COG6: variants seen among roughly 807,000 people sequenced by gnomAD.
COG6 encodes component of oligomeric golgi complex 6.
A neutral mutation model predicts 88.8 loss-of-function variants in COG6; 74 were observed. The observed-to-expected ratio is 0.83, with a 90% CI of 0.69 to 1.01. The LOEUF (loss-of-function observed/expected upper bound fraction) is 1.01, where lower values mean the gene tolerates loss of function less well. COG6 is among the 50% of genes least tolerant of loss of function. The pLI, the probability that COG6 is intolerant of heterozygous loss-of-function variation, is 0.00. For missense variants in COG6, 800 were observed against 797.9 expected, an observed-to-expected ratio of 1.00 and a Z score of -0.03; for synonymous variants, 286 against 278.7, an observed-to-expected ratio of 1.03 and a Z score of -0.26.
Position 39,679,573 on chromosome 13 carries a change from T to TTGA in COG6, c.576_577insTGA (p.Ile192_His193insTer). On this transcript the variant is annotated stop_gained and inframe_insertion, in exon 6 of 19. Coordinates refer to ENST00000455146, the MANE Select transcript of COG6 (RefSeq NM_020751.3). LOFTEE classifies it high-confidence loss of function. ...AGGCACTGGGAAGAGTAAAACAGAT[T>TTGA]CATAATGATGTCAAAGTTCTCTTGC... 6.2e-7 allele frequency: 1 copy of TTGA among 1,606,458 alleles called. No homozygotes were observed. The highest frequency in any genetic ancestry group is 1.3e-5 in the African/African-American group (1 of 74,920).
chr13:39,752,387 G>GAACCTAATACAGTTCTTTTTGGAT lies in COG6; in HGVS notation c.*1296_*1297insCCTAATACAGTTCTTTTTGGATAA, dbSNP rs1880689092. ...CCTAATACAGTTCTTTTTGGAGTAA[G>GAACCTAATACAGTTCTTTTTGGAT]AATGATTATATAATCGTTATCCATT... On this transcript the variant is annotated 3_prime_UTR_variant, in exon 19 of 19. Coordinates refer to ENST00000455146, the MANE Select transcript of COG6 (RefSeq NM_020751.3). The GAACCTAATACAGTTCTTTTTGGAT allele has an allele frequency of 2.0e-6, 2 of 984,486 alleles. No individual in the cohort carries two copies. The highest frequency in any genetic ancestry group is 4.2e-4 in the Middle Eastern group (1 of 2,374). The allele number at this position is 984,486 out of a possible 1,614,324, so 61.0% of individuals were successfully genotyped here. A position where few individuals can be genotyped will look rare whatever the true frequency, so the allele number is the denominator to read the frequency against.
chr13:39,674,043 T>C lies in COG6; in HGVS notation c.429-3425T>C, dbSNP rs1269772054. The stretch of plus-strand genomic sequence containing the variant: ...GATGAAAAATATTATCACACCATTT[T>C]ATTTTTTATTTTTATTTTTAATTTT... On this transcript the variant is annotated intron_variant, in intron 4 of 18. Coordinates refer to ENST00000455146, the MANE Select transcript of COG6 (RefSeq NM_020751.3). Among the ~76,000 whole-genome samples, 9 of 152,170 alleles carry C rather than the reference T, an allele frequency of 5.9e-5. No individual in the cohort carries two copies. In the East Asian group the frequency reaches 1.7e-3, roughly 29 times the overall value.
At chr13:39,692,862 C>G (rs1877060550) in intron 11 of COG6, among the ~76,000 whole-genome samples, 2 of 151,978 alleles carry the variant, frequency 1.3e-5, no homozygotes, top group African/African-American at 2.4e-5. Context: ...TTCCAACATA[C>G]TTTATATCTG....
chr13:39,679,247 G>A (rs1014461410), intron 5 of COG6: 17 of 392,814 alleles, frequency 4.3e-5, no homozygotes, highest in South Asian at 8.3e-5. Context: ...ACTAGACTAC[G>A]TACACTTCTT....
At chr13:39,741,691 T>C (rs1156974686) in intron 18 of COG6, among the ~76,000 whole-genome samples, 2 of 152,052 alleles carry the variant, frequency 1.3e-5, no homozygotes, top group Non-Finnish European at 2.9e-5. Flanking sequence ...CAGGATGTTA[T>C]CCAGGAGAAC....
intron 12 of COG6, among the ~76,000 whole-genome samples, chr13:39,697,785 T>C (rs1283059666): frequency 6.6e-6 from 1 of 151,952 alleles, no homozygotes; most frequent in Non-Finnish European, 1.5e-5. Flanking sequence ...TTCACTGGCT[T>C]GTTTTGGGTA....
intron 11 of COG6, among the ~76,000 whole-genome samples, chr13:39,693,752 T>C (rs1223530564): frequency 1.3e-5 from 2 of 151,936 alleles, no homozygotes; most frequent in Non-Finnish European, 2.9e-5. Context: ...AAATCACATT[T>C]GTTTTATGAC....
intron 4 of COG6, among the ~76,000 whole-genome samples, chr13:39,676,052 T>C (rs1875947279): frequency 6.6e-6 from 1 of 152,142 alleles, no homozygotes; most frequent in Non-Finnish European, 1.5e-5. Context: ...ATATTCAAAC[T>C]CTTCGCTATC....
downstream of COG6, among the ~76,000 whole-genome samples, chr13:39,756,589 A>G (rs1421442977): frequency 6.6e-6 from 1 of 152,188 alleles, no homozygotes; most frequent in Non-Finnish European, 1.5e-5. Flanking sequence ...TCAAACTGTT[A>G]TAAGCCAAAG....
intron 18 of COG6, among the ~76,000 whole-genome samples, chr13:39,746,764 C>T (rs1288314874): frequency 1.3e-5 from 2 of 152,024 alleles, no homozygotes; most frequent in African/African-American, 4.8e-5. Flanking sequence ...GATGAATTTA[C>T]ATAGTAATTA....
chr13:39,664,554 A>G (rs9315722), intron 3 of COG6, among the ~76,000 whole-genome samples: 101 of 152,358 alleles, frequency 6.6e-4, no homozygotes, highest in Non-Finnish European at 1.3e-3. Flanking sequence ...AGAATTGCTT[A>G]GAATGAAAGT....
At chr13:39,780,060 G>T (rs1407740454) in intron 18 of COG6, among the ~76,000 whole-genome samples, 1 of 152,206 alleles carries the variant, frequency 6.6e-6, no homozygotes, top group African/African-American at 2.4e-5. Flanking sequence ...TCCAGTCAAA[G>T]TCCACAGTGA....
intron 18 of COG6, among the ~76,000 whole-genome samples, chr13:39,757,859 G>A (rs867650011): frequency 9.9e-5 from 15 of 152,130 alleles, no homozygotes; most frequent in South Asian, 2.1e-4. Context: ...GTGGACCCAC[G>A]CAGTTCAAAC....
chr13:39,765,019 T>A (rs145532829), intron 18 of COG6, among the ~76,000 whole-genome samples: 2,151 of 152,302 alleles, frequency 0.014, 24 homozygotes, highest in Admixed American at 0.02. Flanking sequence ...TATATGTTTT[T>A]ACGCTATTTC....
intron 18 of COG6, among the ~76,000 whole-genome samples, chr13:39,772,573 T>A (rs1225796246): frequency 6.6e-6 from 1 of 152,216 alleles, no homozygotes; most frequent in Non-Finnish European, 1.5e-5. Flanking sequence ...AGAGGAGCTG[T>A]CAATAAACAC....
downstream of COG6, chr13:39,752,689 A>G (rs771472595): frequency 3.4e-6 from 4 of 1,162,280 alleles, no homozygotes; most frequent in Non-Finnish European, 3.2e-6. Context: ...GTGTTTTTAG[A>G]AAATGCACTA....
chr13:39,767,692 AG>A (rs1337249733), intron 18 of COG6, among the ~76,000 whole-genome samples: 1 of 152,198 alleles, frequency 6.6e-6, no homozygotes, highest in South Asian at 2.1e-4. Context: ...AGGGTGATAA[AG>A]ACTTGTGCGG....
chr13:39,719,869 T>C, intron 15 of COG6, 42 bp downstream of exon 15: 2 of 1,471,246 alleles, frequency 1.4e-6, no homozygotes, highest in Non-Finnish European at 1.9e-6. Context: ...TGATTGAATC[T>C]TTTTCTCTAT....
chr13:39,731,347 A>T (rs1408920183), intron 18 of COG6, among the ~76,000 whole-genome samples: 1 of 152,192 alleles, frequency 6.6e-6, no homozygotes, highest in Non-Finnish European at 1.5e-5. Context: ...GCTAGGAAAC[A>T]AGGTGGTATA....
Sources: gnomAD v4.1 joint callset for allele counts (sites outside exome capture counted in the v4.1 genomes callset) on GRCh38, gnomAD v4.1.1 for gene constraint, MANE v1.5 for transcripts, NCBI Gene and HGNC (gene_info 2026-07-23, HGNC 2026-07-21) for gene names.